The following DLG2 variants were observed in gnomAD, a reference collection of about 807,000 sequenced individuals.
The protein encoded by DLG2 is discs large MAGUK scaffold protein 2.
DLG2 carries 45 observed loss-of-function variants against 132.5 expected under a neutral mutation model. The ratio of observed to expected loss-of-function variants is 0.34; its 90% CI spans 0.27 to 0.44. The LOEUF (loss-of-function observed/expected upper bound fraction) is 0.44, where lower values mean the gene tolerates loss of function less well. Ranked by LOEUF, DLG2 falls within the 20% of genes least tolerant of loss-of-function variation. DLG2 has a pLI of 1.00. For missense variants in DLG2, 1,045 were observed against 1,196.9 expected (o/e 0.87, Z 1.87); for synonymous variants, 424 against 419.6 (o/e 1.01, Z -0.13).
At chr11:84,663,734 CTGTTTG>C (rs776321589) in intron 6 of DLG2, among the ~76,000 whole-genome samples, 10 of 152,226 alleles carry the variant, frequency 6.6e-5, no homozygotes, top group Non-Finnish European at 1.5e-4. Flanking sequence ...ATACCTGAAC[CTGTTTG>C]TAGGCCCCTT....
intron 10 of DLG2, among the ~76,000 whole-genome samples, chr11:84,061,712 T>C (rs765469190): frequency 6.6e-6 from 1 of 152,198 alleles, no homozygotes; most frequent in Non-Finnish European, 1.5e-5. Context: ...TTATAGGAAC[T>C]CTTGCCTCAG....
chr11:85,224,120 A>G (rs562639851), intron 4 of DLG2, among the ~76,000 whole-genome samples: 1 of 152,318 alleles, frequency 6.6e-6, no homozygotes, highest in Admixed American at 6.5e-5. Context: ...AAACATTTAG[A>G]ATAACATCTG....
At chr11:83,847,331 T>C (rs10898160) in intron 16 of DLG2, among the ~76,000 whole-genome samples, 92,713 of 151,968 alleles carry the variant, frequency 0.61, 28,700 homozygotes, top group Middle Eastern at 0.73. Context: ...CATATTCTTC[T>C]TGAAGGCAAA....
chr11:84,961,904 CT>C (rs2052633619), intron 6 of DLG2, among the ~76,000 whole-genome samples: 1 of 152,162 alleles, frequency 6.6e-6, no homozygotes, highest in South Asian at 2.1e-4. Flanking sequence ...TCCTAAAACA[CT>C]TTTGTCCAAC....
chr11:83,565,437 T>C (rs1020437537), intron 19 of DLG2, among the ~76,000 whole-genome samples: 3 of 152,324 alleles, frequency 2.0e-5, no homozygotes, highest in East Asian at 3.9e-4. Flanking sequence ...TATTAAGCCC[T>C]TGTGCAGTTT....
intron 21 of DLG2, among the ~76,000 whole-genome samples, chr11:83,523,452 C>G (rs1443864025): frequency 6.6e-6 from 1 of 152,122 alleles, no homozygotes; most frequent in African/African-American, 2.4e-5. Flanking sequence ...TAAAAATCTT[C>G]TAAAGAATCA....
At chr11:84,451,558 A>G (rs562419303) in intron 7 of DLG2, among the ~76,000 whole-genome samples, 4 of 151,958 alleles carry the variant, frequency 2.6e-5, no homozygotes, top group African/African-American at 7.2e-5. Context: ...TCGGGAGTAT[A>G]TATGTCTAAT....
At chr11:83,861,249 G>C (rs1022624577) in intron 16 of DLG2, among the ~76,000 whole-genome samples, 5 of 152,306 alleles carry the variant, frequency 3.3e-5, no homozygotes, top group African/African-American at 7.2e-5. Context: ...TGAGGATATA[G>C]AGAAAAGGGA....
At chr11:84,869,862 G>A (rs866620705) in intron 6 of DLG2, among the ~76,000 whole-genome samples, 5 of 152,118 alleles carry the variant, frequency 3.3e-5, no homozygotes, top group Non-Finnish European at 5.9e-5. Flanking sequence ...ATTTAAATTA[G>A]GTATTTCAGG....
At chr11:85,431,779 C>T (rs2091202256) in intron 3 of DLG2, among the ~76,000 whole-genome samples, 1 of 152,238 alleles carries the variant, frequency 6.6e-6, no homozygotes, top group South Asian at 2.1e-4. Context: ...AGTGGGGTCC[C>T]CCCAGCACAG....
intron 6 of DLG2, among the ~76,000 whole-genome samples, chr11:84,856,224 G>A (rs1301017536): frequency 6.6e-6 from 1 of 152,036 alleles, no homozygotes; most frequent in Non-Finnish European, 1.5e-5. Flanking sequence ...TATTTAAAGG[G>A]ATGTCACATA....
At chr11:84,145,019 G>A (rs188229258) in intron 9 of DLG2, among the ~76,000 whole-genome samples, 1 of 152,140 alleles carries the variant, frequency 6.6e-6, no homozygotes, top group Admixed American at 6.5e-5. Flanking sequence ...CTCAGAATCT[G>A]GTAACTCCAT....
intron 7 of DLG2, among the ~76,000 whole-genome samples, chr11:84,343,257 C>A (rs1221514191): frequency 2.0e-5 from 3 of 152,190 alleles, no homozygotes; most frequent in Middle Eastern, 3.4e-3. Flanking sequence ...TGAATTCTTG[C>A]CCAGGGCCAA....
chr11:85,230,116 C>T (rs1233685814), intron 4 of DLG2, among the ~76,000 whole-genome samples: 1 of 152,038 alleles, frequency 6.6e-6, no homozygotes, highest in Non-Finnish European at 1.5e-5. Context: ...TATCCCAGAA[C>T]TTAAAGTATT....
intron 26 of DLG2, among the ~76,000 whole-genome samples, chr11:83,464,813 T>TAAAC (rs2090707660): frequency 7.0e-6 from 1 of 143,628 alleles, no homozygotes; most frequent in African/African-American, 2.5e-5. Flanking sequence ...CCACTGAGTG[T>TAAAC]TTACAATATG....
At chr11:85,544,526 A>G (rs369460522) in intron 3 of DLG2, among the ~76,000 whole-genome samples, 2 of 152,158 alleles carry the variant, frequency 1.3e-5, no homozygotes, top group East Asian at 3.8e-4. Flanking sequence ...CAATTCTGGG[A>G]AAAAAGTCAA....
intron 11 of DLG2, among the ~76,000 whole-genome samples, chr11:84,031,776 C>T (rs1396241085): frequency 6.6e-6 from 1 of 152,164 alleles, no homozygotes; most frequent in African/African-American, 2.4e-5. Flanking sequence ...ACAGATACCA[C>T]ATTTTTTACA....
chr11:85,139,537 T>A (rs2076328247), intron 5 of DLG2, among the ~76,000 whole-genome samples: 1 of 152,052 alleles, frequency 6.6e-6, no homozygotes, highest in Admixed American at 6.6e-5. Flanking sequence ...GTATACAACA[T>A]CATGTAAGAT....
intron 7 of DLG2, among the ~76,000 whole-genome samples, chr11:84,402,474 G>A (rs889344482): frequency 5.3e-5 from 8 of 151,860 alleles, no homozygotes; most frequent in African/African-American, 1.9e-4. Context: ...TTTGCTCTTT[G>A]TGGTACAAAT....
Sources: allele counts gnomAD v4.1 joint callset (sites outside exome capture counted in the v4.1 genomes callset), GRCh38; gene constraint gnomAD v4.1.1; transcripts MANE v1.5; gene names NCBI Gene and HGNC (gene_info 2026-07-23, HGNC 2026-07-21).